The following CHD1L variants were observed in gnomAD, a reference collection of about 807,000 sequenced individuals.
CHD1L encodes chromodomain helicase DNA binding protein 1 like, also known as ATP-dependent chromatin remodeler CHD1L.
In CHD1L, 118 loss-of-function variants were observed where a neutral mutation model predicts 115.9. The ratio of observed to expected loss-of-function variants is 1.02; its 90% CI spans 0.88 to 1.19. CHD1L has a LOEUF of 1.19. Among genes scored for constraint, CHD1L ranks in the 50% most tolerant of loss-of-function variants. CHD1L has a pLI of 0.00. For missense variants in CHD1L, 1,179 were observed against 1,065.3 expected (o/e 1.11, Z -1.49); for synonymous variants, 411 against 387.1 (o/e 1.06, Z -0.72).
chr1:147,259,799 A>C, intron 5 of CHD1L, 38 bp from the exon 6 acceptor site: 1 of 1,544,868 alleles, frequency 6.5e-7, no homozygotes, highest in Non-Finnish European at 8.9e-7. Context: ...TATGTGTTTA[A>C]ATTACACAAA....
At chr1:147,192,006 T>C in the CHD1L span, among the ~76,000 whole-genome samples, 908 of 152,238 alleles carry the variant, frequency 6.0e-3, 4 homozygotes, top group Middle Eastern at 0.01. Context: ...TCTTTTTTGG[T>C]TCCATATGAA....
At position 147,285,322 on chromosome 1, in the gene CHD1L, A is replaced by G. The variant is rs1553964620; in HGVS notation, c.1855-2A>G. On this transcript the variant is annotated splice_acceptor_variant, in intron 16 of 22. Transcript: ENST00000369258. LOFTEE classifies it high-confidence loss of function. ...TGGTGATGGATCTTGTTCTTCCTCTAGGTTCTCATCCCAGGCCTTGTGGAG... is the reference window on the plus strand; with the variant it reads ...TGGTGATGGATCTTGTTCTTCCTCTGGGTTCTCATCCCAGGCCTTGTGGAG... 3.1e-6 allele frequency: 5 copies of G among 1,606,934 alleles called. No homozygotes were observed. The highest frequency in any genetic ancestry group is 4.2e-6 in the Non-Finnish European group (5 of 1,177,986).
intron 12 of CHD1L, among the ~76,000 whole-genome samples, chr1:147,273,286 A>G (rs782068924): frequency 6.6e-6 from 1 of 152,198 alleles, no homozygotes; most frequent in Non-Finnish European, 1.5e-5. Flanking sequence ...GAGTACATGC[A>G]GGAACATGAA....
At chr1:147,184,676 CCTT>C in the CHD1L span, 2 of 1,448,752 alleles carry the variant, frequency 1.4e-6, no homozygotes, top group South Asian at 1.6e-5. The surrounding 1 kb of genome is among the most constrained non-coding windows in gnomAD (Gnocchi z 4.4). Context: ...GGTAAAGTGG[CCTT>C]CTCATCACTT....
intron 6 of CHD1L, among the ~76,000 whole-genome samples, chr1:147,263,124 C>A (rs1390544198): frequency 1.4e-4 from 22 of 151,802 alleles, no homozygotes; most frequent in Admixed American, 1.4e-3. Context: ...CGTTTACATA[C>A]TATGTTTTGA....
At chr1:147,262,575 A>T (rs1672335603) in intron 6 of CHD1L, among the ~76,000 whole-genome samples, 1 of 152,132 alleles carries the variant, frequency 6.6e-6, no homozygotes, top group Admixed American at 6.5e-5. Context: ...TGGTGAACAC[A>T]TATTGTAAGA....
chr1:147,272,348 G>A (rs1208767828), intron 12 of CHD1L, 67 bp downstream of exon 12: 15 of 1,090,514 alleles, frequency 1.4e-5, no homozygotes, highest in Non-Finnish European at 1.7e-5. Context: ...ACATCCCAAC[G>A]GTTAGTACAC....
chr1:147,192,094 C>T, the CHD1L span, among the ~76,000 whole-genome samples: 1 of 152,104 alleles, frequency 6.6e-6, no homozygotes, highest in African/African-American at 2.4e-5. Flanking sequence ...CTATAAATTA[C>T]CTTGGGCAGT....
the CHD1L span, chr1:147,179,572 C>A: frequency 8.8e-6 from 14 of 1,587,132 alleles, no homozygotes; most frequent in African/African-American, 1.4e-5. Flanking sequence ...GCTACAAACC[C>A]CCCTGTAATT....
chr1:147,209,299 G>C, the CHD1L span, among the ~76,000 whole-genome samples: 1 of 152,014 alleles, frequency 6.6e-6, no homozygotes, highest in Non-Finnish European at 1.5e-5. Context: ...TTAGCCAGGC[G>C]TGGTTGCAGG....
In CHD1L at chr1:147,293,684, GC is replaced by G. The variant is rs1686464258; in HGVS notation, c.2470del (p.Leu824Ter). ...SGIKMAALEEGLKKIFLAAKK... is the reference protein window; with the variant it reads ...SGIKMAALEEXLKKIFLAAKK... The stretch of plus-strand genomic sequence containing the variant: ...ATTAAGATGGCAGCCCTAGAAGAGG[GC>G]CTGAAGAAGATATTTTTAGCAGCAA... On this transcript the variant is annotated frameshift_variant, in exon 21 of 23. Coordinates refer to ENST00000369258, the MANE Select transcript of CHD1L (RefSeq NM_004284.6). LOFTEE classifies it high-confidence loss of function. 6.2e-7 allele frequency: 1 copy of G among 1,614,000 alleles called. No individual in the cohort carries two copies.
At chr1:147,189,552 TA>T in the CHD1L span, among the ~76,000 whole-genome samples, 1 of 152,158 alleles carries the variant, frequency 6.6e-6, no homozygotes, top group Non-Finnish European at 1.5e-5. Context: ...CACAGAAATT[TA>T]GAGACTTACC....
rs1687119125 is a variant in CHD1L at position 147,295,302 on chromosome 1, A to G, written c.2616-129A>G. 6 of 686,384 alleles carry G rather than the reference A, an allele frequency of 8.7e-6. No homozygotes were observed. In the South Asian group the frequency reaches 1.0e-4, roughly 11 times the overall value. 42.5% of individuals were successfully genotyped at this position (686,384 alleles called of 1,614,324 possible). On this transcript the variant is annotated intron_variant, in intron 22 of 22. Coordinates refer to ENST00000369258, the MANE Select transcript of CHD1L (RefSeq NM_004284.6). ...ATAAGTACTAATATTGAAAGTGTTT[A>G]TGATATCGTGAGAGAATTAAAGCAT...
At chr1:147,184,616 T>C in the CHD1L span, 1 of 1,546,270 alleles carries the variant, frequency 6.5e-7, no homozygotes, top group South Asian at 1.2e-5. The surrounding 1 kb of genome is among the most constrained non-coding windows in gnomAD (Gnocchi z 4.4). Flanking sequence ...GTCTGATGTT[T>C]TTCTCATGGT....
chr1:147,192,061 A>G, the CHD1L span, among the ~76,000 whole-genome samples: 6 of 152,054 alleles, frequency 3.9e-5, no homozygotes, highest in Admixed American at 2.6e-4. Flanking sequence ...GTCATTGGTC[A>G]CTTGATGCGG....
At chr1:147,189,314 A>G in the CHD1L span, among the ~76,000 whole-genome samples, 2 of 151,978 alleles carry the variant, frequency 1.3e-5, no homozygotes, top group Admixed American at 1.3e-4. Context: ...ATGGAAGTTA[A>G]CAATGCAGAA....
the CHD1L span, among the ~76,000 whole-genome samples, chr1:147,227,834 T>C: frequency 6.6e-6 from 1 of 152,200 alleles, no homozygotes; most frequent in Non-Finnish European, 1.5e-5. Context: ...TCACCTCTAC[T>C]CAGATGCTAC....
intron 12 of CHD1L, among the ~76,000 whole-genome samples, chr1:147,274,976 T>C (rs587610701): frequency 6.6e-6 from 1 of 152,314 alleles, no homozygotes; most frequent in Admixed American, 6.5e-5. Context: ...CCTCTCATAT[T>C]TAGATCTGTT....
chr1:147,182,173 A>G, the CHD1L span, among the ~76,000 whole-genome samples: 10 of 152,348 alleles, frequency 6.6e-5, no homozygotes, highest in Non-Finnish European at 1.0e-4. Flanking sequence ...GCCTCTCTGT[A>G]TAAAGACACA....
Sources: gnomAD v4.1 joint callset for allele counts (sites outside exome capture counted in the v4.1 genomes callset) on GRCh38, gnomAD v4.1.1 for gene constraint, Gnocchi (gnomAD v3.1) non-coding constraint, MANE v1.5 for transcripts, NCBI Gene and HGNC (gene_info 2026-07-23, HGNC 2026-07-21) for gene names.